The following CDH13 variants were observed in gnomAD, a reference collection of about 807,000 sequenced individuals.
The protein encoded by CDH13 is cadherin 13, also known as cadherin-13.
Under a neutral mutation model 63.8 loss-of-function variants are expected in CDH13, and 24 were observed. That is an observed-to-expected ratio of 0.38 (90% CI 0.27 to 0.53). The LOEUF (loss-of-function observed/expected upper bound fraction) is 0.53, where lower values mean the gene tolerates loss of function less well. Ranked by LOEUF, CDH13 falls within the 20% of genes least tolerant of loss-of-function variation. CDH13 has a pLI of 0.85. For missense variants in CDH13, 1,049 were observed against 903.1 expected (o/e 1.16, Z -2.07); for synonymous variants, 503 against 355.3 (o/e 1.42, Z -4.67).
At chr16:83,035,640 T>G (rs912454528) in intron 3 of CDH13, among the ~76,000 whole-genome samples, 2 of 152,148 alleles carry the variant, frequency 1.3e-5, no homozygotes, top group Non-Finnish European at 2.9e-5. Flanking sequence ...CTCCAACCCC[T>G]GCATGAGCTG....
chr16:83,281,165 G>C (rs2089160237), intron 5 of CDH13, among the ~76,000 whole-genome samples: 2 of 152,188 alleles, frequency 1.3e-5, no homozygotes, highest in African/African-American at 4.8e-5. Context: ...GTATTGTTTA[G>C]TGTAGCCACT....
chr16:83,607,873 C>T (rs764358893), intron 8 of CDH13, among the ~76,000 whole-genome samples: 12 of 152,034 alleles, frequency 7.9e-5, no homozygotes, highest in Non-Finnish European at 1.6e-4. Flanking sequence ...ACTTCAGCAG[C>T]CCCATTTGTG....
intron 5 of CDH13, among the ~76,000 whole-genome samples, chr16:83,281,560 G>T (rs1006432046): frequency 1.1e-4 from 17 of 152,058 alleles, no homozygotes; most frequent in African/African-American, 3.6e-4. Context: ...CAGCTGTTTG[G>T]TACAAGAGGT....
intron 5 of CDH13, among the ~76,000 whole-genome samples, chr16:83,293,809 T>C (rs2151868193): frequency 6.6e-6 from 1 of 152,310 alleles, no homozygotes; most frequent in Middle Eastern, 3.4e-3. Context: ...TCAGCTACAG[T>C]TTCTTCCCAA....
At chr16:82,907,809 C>G (rs1401847662) in intron 2 of CDH13, among the ~76,000 whole-genome samples, 3 of 152,222 alleles carry the variant, frequency 2.0e-5, no homozygotes, top group Non-Finnish European at 4.4e-5. Flanking sequence ...AGTGAGCACT[C>G]TGTTCCCATT....
chr16:82,797,112 G>C (rs903347676), intron 1 of CDH13, among the ~76,000 whole-genome samples: 2 of 152,292 alleles, frequency 1.3e-5, no homozygotes, highest in East Asian at 1.9e-4. Flanking sequence ...GCAAAGTCTA[G>C]ATGAAATGAG....
chr16:82,999,007 A>C (rs1036208725), intron 2 of CDH13, among the ~76,000 whole-genome samples: 1 of 152,100 alleles, frequency 6.6e-6, no homozygotes, highest in African/African-American at 2.4e-5. Context: ...TCTCCTCCCA[A>C]GAACATCCCT....
intron 1 of CDH13, among the ~76,000 whole-genome samples, chr16:82,672,903 C>A (rs1567612517): frequency 1.3e-5 from 2 of 151,982 alleles, no homozygotes; most frequent in South Asian, 4.2e-4. Context: ...CCACTTCTAC[C>A]TCCTGGGCTC....
rs147777482 is a variant in CDH13, at chr16:83,314,930, C to A, written c.637-29932C>A. ...GCCTTTGCCTTCCTGTCTTCAGCCT[C>A]TTCTCTGAGCAGTGTGATATAGCCT... On this transcript the variant is annotated intron_variant, in intron 5 of 13. Transcript: ENST00000567109. 6.0e-3 allele frequency among the ~76,000 whole-genome samples: 921 copies of A among 152,278 alleles called. 3 individuals carry two copies. The highest frequency in any genetic ancestry group is 0.014 in the Middle Eastern group (4 of 294).
rs186150594 is a variant in CDH13, at chr16:83,295,494, A to T, written c.637-49368A>T. On this transcript the variant is annotated intron_variant, in intron 5 of 13. Coordinates refer to ENST00000567109, the MANE Select transcript of CDH13 (RefSeq NM_001257.5). The stretch of plus-strand genomic sequence containing the variant: ...ATCTGATAAAATAGAAAAAACAATG[A>T]ATAATTGAAAAATGGGAAAAGGAAC... Among the ~76,000 whole-genome samples the T allele has an allele frequency of 1.4e-3, 210 of 152,268 alleles. 3 individuals are homozygous for T. The highest frequency in any genetic ancestry group is 0.014 in the Admixed American group (208 of 15,298).
At chr16:83,702,022 A>G (rs548357785) in intron 10 of CDH13, among the ~76,000 whole-genome samples, 72 of 152,340 alleles carry the variant, frequency 4.7e-4, no homozygotes, top group Non-Finnish European at 8.2e-4. Flanking sequence ...AGGCTAATCT[A>G]GCAAAGCTCT....
At chr16:83,250,797 A>G (rs1189592935) in intron 5 of CDH13, among the ~76,000 whole-genome samples, 2 of 152,236 alleles carry the variant, frequency 1.3e-5, no homozygotes, top group Admixed American at 1.3e-4. Flanking sequence ...GGCAGGATAC[A>G]GACTTTCCCA....
rs8046897 is a variant in CDH13, at chr16:83,799,427, A to G, written c.*4397A>G. On this transcript the variant is annotated 3_prime_UTR_variant, in exon 14 of 14. Coordinates refer to ENST00000567109, the MANE Select transcript of CDH13 (RefSeq NM_001257.5). ...TGGGGTGGGGTCTCAAAGGGTTTGC[A>G]CTGTGCTTTGCTATAAATCATTCAA... is the stretch of plus-strand genomic sequence containing the variant. 72,305 of 151,856 alleles carry G rather than the reference A, an allele frequency of 0.48. 17,279 individuals carry two copies. The highest frequency in any genetic ancestry group is 0.5 in the Non-Finnish European group (33,952 of 67,972). 9.4% of individuals were successfully genotyped at this position (151,856 alleles called of 1,614,324 possible). A position where few individuals can be genotyped will look rare whatever the true frequency, so the allele number is the denominator to read the frequency against.
chr16:83,356,592 A>T (rs1294133578), intron 6 of CDH13, among the ~76,000 whole-genome samples: 2 of 152,140 alleles, frequency 1.3e-5, no homozygotes. Flanking sequence ...GCTTCCATTT[A>T]TCTATACAAA....
intron 3 of CDH13, among the ~76,000 whole-genome samples, chr16:83,119,517 C>A (rs1359352651): frequency 6.6e-6 from 1 of 152,176 alleles, no homozygotes; most frequent in Admixed American, 6.5e-5. Context: ...GATCTTATTA[C>A]CTCCCTCCTT....
At chr16:82,676,057 G>C (rs982147876) in intron 1 of CDH13, among the ~76,000 whole-genome samples, 5 of 152,206 alleles carry the variant, frequency 3.3e-5, no homozygotes, top group African/African-American at 1.2e-4. Flanking sequence ...TAAGCCCCCA[G>C]TCTGTGCCTG....
chr16:83,284,212 G>A (rs897067306), intron 5 of CDH13, among the ~76,000 whole-genome samples: 9 of 151,960 alleles, frequency 5.9e-5, no homozygotes, highest in South Asian at 2.1e-4. Flanking sequence ...CCTCTCTTTC[G>A]GCTTCTCACT....
At chr16:83,534,239 G>A (rs2075140701) in intron 7 of CDH13, among the ~76,000 whole-genome samples, 1 of 152,190 alleles carries the variant, frequency 6.6e-6, no homozygotes, top group African/African-American at 2.4e-5. Context: ...TAGGAAGGTG[G>A]TCTGTTCATG....
intron 3 of CDH13, among the ~76,000 whole-genome samples, chr16:83,105,267 C>G (rs2034708160): frequency 6.6e-6 from 1 of 152,172 alleles, no homozygotes. Flanking sequence ...CAAAGAGACC[C>G]CTGGTTTTGT....
Sources: allele counts gnomAD v4.1 joint callset (sites outside exome capture counted in the v4.1 genomes callset), GRCh38; gene constraint gnomAD v4.1.1; transcripts MANE v1.5; gene names NCBI Gene and HGNC (gene_info 2026-07-23, HGNC 2026-07-21).